Variants in KCNQ4 observed in about 807,000 individuals in gnomAD.
The protein encoded by KCNQ4 is potassium voltage-gated channel subfamily Q member 4.
A neutral mutation model predicts 72.6 loss-of-function variants in KCNQ4; 31 were observed. The observed-to-expected ratio is 0.43, with a 90% CI of 0.32 to 0.58. KCNQ4 has a LOEUF of 0.58. Among genes scored for constraint, KCNQ4 ranks in the 20% least tolerant of loss-of-function variants. The pLI, the probability that KCNQ4 is intolerant of heterozygous loss-of-function variation, is 0.08. For missense variants in KCNQ4, 869 were observed against 962.6 expected, an observed-to-expected ratio of 0.90 and a Z score of 1.29; for synonymous variants, 405 against 403.7, an observed-to-expected ratio of 1.00 and a Z score of -0.04.
intron 1 of KCNQ4, among the ~76,000 whole-genome samples, chr1:40,808,605 G>A (rs1225393871): frequency 2.6e-5 from 4 of 152,020 alleles, no homozygotes; most frequent in South Asian, 4.2e-4. Flanking sequence ...AGGGGCTGTC[G>A]GCCTCCTCCC....
chr1:40,820,374 CA>C, intron 7 of KCNQ4, 114 bp downstream of exon 7: 1 of 900,786 alleles, frequency 1.1e-6, no homozygotes, highest in Non-Finnish European at 1.8e-6. Context: ...CTTTGAAGCT[CA>C]AAAGGGCTAT....
intron 9 of KCNQ4, among the ~76,000 whole-genome samples, chr1:40,829,183 C>T (rs749616050): frequency 6.6e-6 from 1 of 152,236 alleles, no homozygotes; most frequent in African/African-American, 2.4e-5. Flanking sequence ...TCTCCACTCT[C>T]CTCTCTTCCT....
At chr1:40,832,957 TG>T in intron 10 of KCNQ4, 56 bp from the exon 11 acceptor site, 1 of 1,252,208 alleles carries the variant, frequency 8.0e-7, no homozygotes, top group Non-Finnish European at 1.2e-6. Flanking sequence ...AAGGGTCGGA[TG>T]GGAGGTTGGG....
chr1:40,789,498 T>A (rs1192015869), intron 1 of KCNQ4, among the ~76,000 whole-genome samples: 2 of 152,192 alleles, frequency 1.3e-5, no homozygotes, highest in East Asian at 3.8e-4. Flanking sequence ...TTGGTCTTTG[T>A]AAGGAGCTGG....
intron 1 of KCNQ4, among the ~76,000 whole-genome samples, chr1:40,811,021 T>C (rs745876243): frequency 1.1e-4 from 16 of 152,196 alleles, no homozygotes; most frequent in Non-Finnish European, 2.4e-4. Context: ...CAGAGGATTT[T>C]AGTGTATTCA....
intron 1 of KCNQ4, among the ~76,000 whole-genome samples, chr1:40,814,242 C>T (rs1648018140): frequency 6.6e-6 from 1 of 150,404 alleles, no homozygotes; most frequent in Non-Finnish European, 1.5e-5. Context: ...TTAGTAGAGG[C>T]GGGGTTTCAC....
At position 40,832,038 on chromosome 1, in the gene KCNQ4, AT is replaced by A. The variant is rs555694556; in HGVS notation, c.1513+735del. On this transcript the variant is annotated intron_variant, in intron 10 of 13. Transcript: ENST00000347132. ...AAGTATGAGACTGTGGACCATGCTG[AT>A]GTCACTTTTCTGAGTTTTGGCTCTG... is the stretch of plus-strand genomic sequence containing the variant. Among the ~76,000 whole-genome samples, 22 of 152,324 alleles carry A rather than the reference AT, an allele frequency of 1.4e-4. No individual in the cohort carries two copies. In the South Asian group the frequency reaches 3.5e-3, roughly 24 times the overall value.
In KCNQ4 at chr1:40,831,218, C is replaced by T; in HGVS notation, c.1427C>T (p.Pro476Leu). Residue 476 changes from proline (P) to leucine (L), a missense_variant, in exon 10 of 14, where the codon CCC becomes CTC. Physicochemically the swap from Pro to Leu is moderately conservative, Grantham distance 98. Transcript: ENST00000347132. The stretch of plus-strand genomic sequence containing the variant: ...GAGCAGGTGGGTGAGGCCACCAGCC[C>T]CACCAAGGTGCAAAAGAGCTGGAGC... ...SSEQVGEATS[P>L]TKVQKSWSFN... The T allele has an allele frequency of 6.2e-7, 1 of 1,609,736 alleles. No homozygotes were observed. Among genetic ancestry groups the T allele is most frequent in the Non-Finnish European group, 8.5e-7 (1 of 1,178,178 alleles).
At position 40,784,499 on chromosome 1, in the gene KCNQ4, C is replaced by A; in HGVS notation, c.314+92C>A. ...CCCCGCCCTGGCTCCGCCTTCTACC[C>A]CCCTGCCTCAGGGCCGACCCTCATC... On this transcript the variant is annotated intron_variant, in intron 1 of 13. Transcript: ENST00000347132. The surrounding 1 kb of genome is among the most constrained non-coding windows in gnomAD (Gnocchi z 4.1). The A allele has an allele frequency of 7.7e-7, 1 of 1,295,170 alleles. No homozygotes were observed. The highest frequency in any genetic ancestry group is 1.1e-6 in the Non-Finnish European group (1 of 909,572). The allele number at this position is 1,295,170 out of a possible 1,614,324, so 80.2% of individuals were successfully genotyped here. A position where few individuals can be genotyped will look rare whatever the true frequency, so the allele number is the denominator to read the frequency against.
intron 9 of KCNQ4, 46 bp downstream of exon 9, chr1:40,824,304 T>A: frequency 6.4e-7 from 1 of 1,573,380 alleles, no homozygotes; most frequent in Non-Finnish European, 8.6e-7. Flanking sequence ...TCTCCTCCTC[T>A]TCTTCCATTC....
chr1:40,817,232 A>C lies in KCNQ4; in HGVS notation c.315-33A>C. 2 of 1,587,818 alleles carry C rather than the reference A, an allele frequency of 1.3e-6. No homozygotes were observed. Among genetic ancestry groups the C allele is most frequent in the Non-Finnish European group, 1.7e-6 (2 of 1,157,750 alleles). Reference sequence around the variant, plus strand: ...ACCTTGGCTGTCCTGTCCCTCCAACAATCTAACCCTCTCCCTCATGTTGTA... The same window carrying C: ...ACCTTGGCTGTCCTGTCCCTCCAACCATCTAACCCTCTCCCTCATGTTGTA... On this transcript the variant is annotated intron_variant, in intron 1 of 13. Transcript: ENST00000347132. This position sits in a 1 kb window ranked among gnomAD's most constrained non-coding sequence, Gnocchi z 5.5.
In KCNQ4 at chr1:40,831,213, C is replaced by T. The variant is rs148913636; in HGVS notation, c.1422C>T (p.Thr474=). ...GCAGCGAGCAGGTGGGTGAGGCCAC[C>T]AGCCCCACCAAGGTGCAAAAGAGCT... ...SPSSEQVGEA[T]SPTKVQKSWS... is the part of the protein sequence containing the mutation. Residue 474 remains threonine (T), a synonymous_variant, in exon 10 of 14, where the codon ACC becomes ACT. Transcript: ENST00000347132. 68 of 1,609,634 alleles carry T rather than the reference C, an allele frequency of 4.2e-5. No homozygotes were observed. Among genetic ancestry groups the T allele is most frequent in the Non-Finnish European group, 5.6e-5 (66 of 1,178,124 alleles).
Position 40,822,428 on chromosome 1 carries a change from G to T in KCNQ4, c.1130+26G>T. On this transcript the variant is annotated intron_variant, in intron 8 of 13. Coordinates refer to ENST00000347132, the MANE Select transcript of KCNQ4 (RefSeq NM_004700.4). The stretch of plus-strand genomic sequence containing the variant: ...GTAGGTCCTGCTGGGGGTGGGGGTG[G>T]GTGGGGGGCTGGCAGCAATGCCCTT... 4 of 1,377,938 alleles carry T rather than the reference G, an allele frequency of 2.9e-6. No homozygotes were observed. In the South Asian group the frequency reaches 4.8e-5, roughly 16 times the overall value. The allele number at this position is 1,377,938 out of a possible 1,614,324, so 85.4% of individuals were successfully genotyped here. A position where few individuals can be genotyped will look rare whatever the true frequency, so the allele number is the denominator to read the frequency against.
Position 40,784,455 on chromosome 1 carries a change from G to A in KCNQ4, c.314+48G>A. ...TTCCGCGTTTCCCCGCGCAAGCCTG[G>A]CCTCCCGGGGCACGGCCGCCCCGCC... On this transcript the variant is annotated intron_variant, in intron 1 of 13. Coordinates refer to ENST00000347132, the MANE Select transcript of KCNQ4 (RefSeq NM_004700.4). The surrounding 1 kb of genome is among the most constrained non-coding windows in gnomAD (Gnocchi z 4.1). 6.4e-7 allele frequency: 1 copy of A among 1,573,826 alleles called. No homozygotes were observed.
intron 12 of KCNQ4, among the ~76,000 whole-genome samples, chr1:40,836,134 T>C (rs1446084800): frequency 6.6e-6 from 1 of 152,130 alleles, no homozygotes; most frequent in East Asian, 1.9e-4. Context: ...GGTAGACCAA[T>C]GAGAACCTGC....
At chr1:40,820,402 C>G (rs1203760737) in intron 7 of KCNQ4, 142 bp downstream of exon 7, 3 of 759,106 alleles carry the variant, frequency 4.0e-6, no homozygotes, top group Admixed American at 4.0e-5. Context: ...TTCCTGGAGC[C>G]ACATGCCAAG....
At position 40,819,436 on chromosome 1, in the gene KCNQ4, C is replaced by T. The variant is rs1212459880; in HGVS notation, c.798C>T (p.Asp266=). Residue 266 remains aspartate (D), a synonymous_variant, in exon 5 of 14, where the codon GAC becomes GAT. Coordinates refer to ENST00000347132, the MANE Select transcript of KCNQ4 (RefSeq NM_004700.4). ...VYLAEKDANS[D]FSSYADSLWW... Reference sequence around the variant, plus strand: ...TGGCTGAGAAGGACGCCAACTCCGACTTCTCCTCCTACGCCGACTCGCTCT... The same window carrying T: ...TGGCTGAGAAGGACGCCAACTCCGATTTCTCCTCCTACGCCGACTCGCTCT... The T allele has an allele frequency of 3.1e-6, 5 of 1,613,796 alleles. No homozygotes were observed. The Admixed American group carries it at 5.0e-5, about 16-fold the overall frequency.
intron 3 of KCNQ4, 72 bp downstream of exon 3, chr1:40,818,362 C>T (rs1648162939): frequency 2.5e-6 from 4 of 1,602,856 alleles, no homozygotes; most frequent in Non-Finnish European, 8.5e-7. Flanking sequence ...CTCCCAATCC[C>T]GACTCTGACC....
At chr1:40,809,667 G>A (rs1647867636) in intron 1 of KCNQ4, among the ~76,000 whole-genome samples, 1 of 152,192 alleles carries the variant, frequency 6.6e-6, no homozygotes, top group Non-Finnish European at 1.5e-5. Context: ...CTATTGTGGA[G>A]CTTTCTTGGT....
Sources: allele counts gnomAD v4.1 joint callset (sites outside exome capture counted in the v4.1 genomes callset), GRCh38; gene constraint gnomAD v4.1.1; non-coding constraint Gnocchi (gnomAD v3.1); transcripts MANE v1.5; gene names NCBI Gene and HGNC (gene_info 2026-07-23, HGNC 2026-07-21).